FHIT: variants seen among roughly 807,000 people sequenced by gnomAD.
The protein encoded by FHIT is bis(5'-adenosyl)-triphosphatase.
Under a neutral mutation model 17.9 loss-of-function variants are expected in FHIT, and 19 were observed. That is an observed-to-expected ratio of 1.06 (90% CI 0.74 to 1.56). The LOEUF is 1.56. Among genes scored for constraint, FHIT ranks in the 40% most tolerant of loss-of-function variants. The pLI, the probability that FHIT is intolerant of heterozygous loss-of-function variation, is 0.00. For missense variants in FHIT, 248 were observed against 189.2 expected (o/e 1.31, Z -1.82); for synonymous variants, 81 against 69.7 (o/e 1.16, Z -0.81).
At chr3:61,095,347 C>T (rs1351850328) in intron 2 of FHIT, among the ~76,000 whole-genome samples, 2 of 152,258 alleles carry the variant, frequency 1.3e-5, no homozygotes, top group East Asian at 3.9e-4. Context: ...CTGGGATTTC[C>T]ACAAACATGA....
intron 3 of FHIT, among the ~76,000 whole-genome samples, chr3:60,828,467 T>C (rs1204783817): frequency 2.0e-5 from 3 of 152,158 alleles, no homozygotes; most frequent in Admixed American, 2.0e-4. Context: ...CAGGCACATA[T>C]GCTAGGGGCT....
At chr3:60,666,436 T>C (rs1232908064) in intron 4 of FHIT, among the ~76,000 whole-genome samples, 10 of 152,226 alleles carry the variant, frequency 6.6e-5, no homozygotes, top group Admixed American at 5.9e-4. Flanking sequence ...ATCTCCATTT[T>C]ATGAGAAATC....
At chr3:61,171,958 G>A (rs568093819) in intron 2 of FHIT, among the ~76,000 whole-genome samples, 36 of 152,242 alleles carry the variant, frequency 2.4e-4, no homozygotes, top group South Asian at 2.1e-3. Flanking sequence ...GAAACTAAAC[G>A]TAGTGGTTTT....
chr3:60,717,375 A>T (rs2107954554), intron 4 of FHIT, among the ~76,000 whole-genome samples: 1 of 152,320 alleles, frequency 6.6e-6, no homozygotes, highest in Non-Finnish European at 1.5e-5. Context: ...GCTTGATTTC[A>T]TCATTTAGCA....
intron 5 of FHIT, among the ~76,000 whole-genome samples, chr3:60,194,000 T>G (rs1702513685): frequency 6.6e-6 from 1 of 152,150 alleles, no homozygotes; most frequent in Non-Finnish European, 1.5e-5. Context: ...ATCATGAAAA[T>G]GATCATAATC....
chr3:59,779,316 C>A (rs925913733), intron 8 of FHIT, among the ~76,000 whole-genome samples: 1 of 152,032 alleles, frequency 6.6e-6, no homozygotes, highest in Admixed American at 6.5e-5. Context: ...GGACAGGTAC[C>A]GAGAGGCAGG....
intron 3 of FHIT, among the ~76,000 whole-genome samples, chr3:60,905,767 T>C (rs1299786911): frequency 2.0e-5 from 3 of 152,174 alleles, no homozygotes; most frequent in Admixed American, 2.0e-4. Flanking sequence ...AGGAAGCGTA[T>C]GTATATTTGC....
At chr3:61,066,929 T>C (rs2034631441) in intron 2 of FHIT, among the ~76,000 whole-genome samples, 1 of 152,258 alleles carries the variant, frequency 6.6e-6, no homozygotes, top group African/African-American at 2.4e-5. Flanking sequence ...TACCCACAAC[T>C]GTCCATCTGA....
intron 5 of FHIT, among the ~76,000 whole-genome samples, chr3:60,024,538 T>C (rs1700666133): frequency 6.6e-6 from 1 of 152,214 alleles, no homozygotes; most frequent in South Asian, 2.1e-4. Flanking sequence ...GCCGACTACC[T>C]GGCAAGTACT....
At chr3:60,666,818 G>A (rs2040391022) in intron 4 of FHIT, among the ~76,000 whole-genome samples, 1 of 151,392 alleles carries the variant, frequency 6.6e-6, no homozygotes, top group South Asian at 2.1e-4. Flanking sequence ...GACCACAGGT[G>A]TGCATCACCA....
At chr3:60,016,209 G>A (rs1444440538) in intron 5 of FHIT, among the ~76,000 whole-genome samples, 1 of 152,160 alleles carries the variant, frequency 6.6e-6, no homozygotes, top group African/African-American at 2.4e-5. Context: ...TTGAATAAAT[G>A]TTTTATCCAG....
intron 5 of FHIT, among the ~76,000 whole-genome samples, chr3:60,414,071 G>A (rs777537584): frequency 2.6e-5 from 4 of 152,190 alleles, no homozygotes; most frequent in African/African-American, 4.8e-5. Flanking sequence ...AATGATAGGC[G>A]GGTGGATGAC....
chr3:60,582,844 G>A (rs977788036), intron 4 of FHIT, among the ~76,000 whole-genome samples: 1 of 151,978 alleles, frequency 6.6e-6, no homozygotes, highest in African/African-American at 2.4e-5. Context: ...TATCCTACTT[G>A]ATTCTCAGAA....
chr3:61,156,428 C>T (rs2037536026), intron 2 of FHIT, among the ~76,000 whole-genome samples: 1 of 152,098 alleles, frequency 6.6e-6, no homozygotes, highest in African/African-American at 2.4e-5. Context: ...TGAACTTCCT[C>T]TTCATAACAT....
intron 3 of FHIT, among the ~76,000 whole-genome samples, chr3:60,944,334 C>CTT (rs10625111): frequency 0.25 from 38,013 of 150,120 alleles, 5,875 homozygotes; most frequent in East Asian, 0.6. Context: ...CTGAGTTTGT[C>CTT]TTTTTTTTTT....
At chr3:60,197,603 C>A (rs1702705613) in intron 5 of FHIT, among the ~76,000 whole-genome samples, 1 of 152,152 alleles carries the variant, frequency 6.6e-6, no homozygotes. Context: ...TAACACTATA[C>A]AACATCCCTG....
At chr3:60,422,916 T>A (rs1042339288) in intron 5 of FHIT, among the ~76,000 whole-genome samples, 2 of 152,132 alleles carry the variant, frequency 1.3e-5, no homozygotes, top group African/African-American at 4.8e-5. Context: ...TACAAATATT[T>A]TGTATTACCC....
intron 5 of FHIT, among the ~76,000 whole-genome samples, chr3:60,118,615 A>C (rs1168536768): frequency 6.6e-6 from 1 of 152,074 alleles, no homozygotes; most frequent in African/African-American, 2.4e-5. Flanking sequence ...CCAAGGTCAC[A>C]CAGTGAATTA....
intron 3 of FHIT, among the ~76,000 whole-genome samples, chr3:60,867,148 T>G (rs1338324475): frequency 1.3e-5 from 2 of 152,160 alleles, no homozygotes; most frequent in Admixed American, 1.3e-4. Flanking sequence ...TGCTATGTAT[T>G]TGTGGAATAA....
Sources: gnomAD v4.1 joint callset for allele counts (sites outside exome capture counted in the v4.1 genomes callset) on GRCh38, gnomAD v4.1.1 for gene constraint, MANE v1.5 for transcripts, NCBI Gene and HGNC (gene_info 2026-07-23, HGNC 2026-07-21) for gene names.